The following PRKAA1 variants were observed in gnomAD, a reference collection of about 807,000 sequenced individuals.
PRKAA1 encodes the protein 5'-AMP-activated protein kinase catalytic subunit alpha-1.
PRKAA1 carries 23 observed loss-of-function variants against 56.9 expected under a neutral mutation model. That is an observed-to-expected ratio of 0.40 (90% CI 0.29 to 0.57). The LOEUF (loss-of-function observed/expected upper bound fraction) is 0.57, where lower values mean the gene tolerates loss of function less well. Among genes scored for constraint, PRKAA1 ranks in the 20% least tolerant of loss-of-function variants. The pLI is 0.39. For missense variants in PRKAA1, 413 were observed against 679.7 expected (o/e 0.61, Z 4.36); for synonymous variants, 226 against 227.0 (o/e 1.00, Z 0.04).
chr5:40,772,000 A>G (rs1399917586), intron 3 of PRKAA1, 137 bp from the exon 4 acceptor site: 8 of 1,083,380 alleles, frequency 7.4e-6, no homozygotes, highest in Non-Finnish European at 1.0e-5. Flanking sequence ...TACTTTTGAC[A>G]TGAGGAGGAG....
In PRKAA1 at chr5:40,760,431, T is replaced by TC. The variant is rs1422286357; in HGVS notation, c.*2346dup. ...ATTGGTTCCTCCTTTTCTTCCCCCC[T>TC]CCCCACAACAGCGTATATAGCGCCA... On this transcript the variant is annotated 3_prime_UTR_variant, in exon 9 of 9. Coordinates refer to ENST00000397128, the MANE Select transcript of PRKAA1 (RefSeq NM_006251.6). The TC allele has an allele frequency of 2.6e-5, 4 of 152,662 alleles. No individual in the cohort carries two copies. The highest frequency in any genetic ancestry group is 5.9e-5 in the Non-Finnish European group (4 of 68,004). The allele number at this position is 152,662 out of a possible 1,614,324, so 9.5% of individuals were successfully genotyped here.
chr5:40,773,074 C>G (rs1027061460), intron 3 of PRKAA1, among the ~76,000 whole-genome samples: 1 of 152,304 alleles, frequency 6.6e-6, no homozygotes, highest in East Asian at 1.9e-4. Flanking sequence ...AGGCGAAGGA[C>G]TCCAATATGC....
chr5:40,768,249 CTTTAAA>C (rs1743561574), intron 5 of PRKAA1: 2 of 238,570 alleles, frequency 8.4e-6, no homozygotes, highest in East Asian at 3.6e-4. Context: ...AAAAGGATTT[CTTTAAA>C]TTTATGTACT....
At chr5:40,786,196 A>G (rs1330650871) in intron 1 of PRKAA1, among the ~76,000 whole-genome samples, 4 of 150,944 alleles carry the variant, frequency 2.6e-5, no homozygotes, top group African/African-American at 9.7e-5. Flanking sequence ...CGGAGGTTGC[A>G]GTGAGCTGAG....
chr5:40,785,597 TAAGA>T (rs1298090075), intron 1 of PRKAA1, among the ~76,000 whole-genome samples: 4 of 152,016 alleles, frequency 2.6e-5, no homozygotes, highest in African/African-American at 4.8e-5. Flanking sequence ...ACTCAAAAAC[TAAGA>T]AAGAAAGCAT....
rs1200685694 is a variant in PRKAA1, at chr5:40,780,449, C to T, written c.128-2863G>A. On this transcript the variant is annotated intron_variant, in intron 1 of 8. Transcript: ENST00000397128. ...CTCGACAGACAGCATTCTTGAGAGACATAACCAATAAGATATATATATACA... is the reference window on the plus strand; with the variant it reads ...CTCGACAGACAGCATTCTTGAGAGATATAACCAATAAGATATATATATACA... Among the ~76,000 whole-genome samples, 2 of 152,104 alleles carry T rather than the reference C, an allele frequency of 1.3e-5. 1 individual carries two copies. The highest frequency in any genetic ancestry group is 4.8e-5 in the African/African-American group (2 of 41,430).
At chr5:40,793,820 G>A (rs1251662540) in intron 1 of PRKAA1, among the ~76,000 whole-genome samples, 1 of 152,142 alleles carries the variant, frequency 6.6e-6, no homozygotes. Flanking sequence ...ATGTCTCCCA[G>A]CCCAGCACGG....
In PRKAA1 at chr5:40,798,146, T is replaced by C. The variant is rs1469720215; in HGVS notation, c.44A>G (p.Lys15Arg). The stretch of plus-strand genomic sequence containing the variant: ...CTTCACCCGCCCGTCGTGTTTCTGC[T>C]TCTCGGCTGTCGCCATCTTTCTCCA... ...SSWRKMATAE[K>R]QKHDGRVKIG... The change falls in exon 1 of 9, where the codon AAG becomes AGG. Residue 15 changes from lysine (K) to arginine (R), a missense_variant. Lys to Arg is a conservative substitution (Grantham distance 26, BLOSUM62 2). Around this residue, in one of 9 missense-constraint regions of PRKAA1, gnomAD observed 61 missense variants for 73.1 expected, o/e 0.83. Transcript: ENST00000397128. The C allele has an allele frequency of 2.5e-6, 4 of 1,598,720 alleles. No homozygotes were observed. In the African/African-American group the frequency reaches 5.4e-5, roughly 22 times the overall value.
chr5:40,797,916 G>A, intron 1 of PRKAA1, 147 bp downstream of exon 1: 2 of 1,382,846 alleles, frequency 1.4e-6, no homozygotes, highest in South Asian at 1.3e-5. Flanking sequence ...CGCGGCGGCT[G>A]GGGAGAGCTC....
At chr5:40,790,773 CGT>C (rs1294883901) in intron 1 of PRKAA1, among the ~76,000 whole-genome samples, 4 of 152,066 alleles carry the variant, frequency 2.6e-5, no homozygotes, top group Non-Finnish European at 5.9e-5. Context: ...ATCTTGAGCT[CGT>C]GATCTGCCCG....
rs1579711106 is a variant in PRKAA1, at chr5:40,764,875, C to T, written c.1185G>A (p.Gln395=). The T allele has an allele frequency of 2.5e-6, 4 of 1,614,062 alleles. No homozygotes were observed. The highest frequency in any genetic ancestry group is 3.4e-6 in the Non-Finnish European group (4 of 1,180,024). The change falls in exon 7 of 9, where the codon CAG becomes CAA. Residue 395 remains glutamine, a synonymous_variant. Transcript: ENST00000397128. The part of the protein sequence containing the change: ...ARHTLDELNP[Q]KSKHQGVRKA... Reference sequence around the variant, plus strand: ...TCCTTACACCTTGGTGTTTGGATTTCTGTGGATTTAATTCATCAAGGGTAT... The same window carrying T: ...TCCTTACACCTTGGTGTTTGGATTTTTGTGGATTTAATTCATCAAGGGTAT...
chr5:40,795,687 C>T (rs1219164991), intron 1 of PRKAA1, among the ~76,000 whole-genome samples: 1 of 152,204 alleles, frequency 6.6e-6, no homozygotes, highest in African/African-American at 2.4e-5. Context: ...TTTTCTATTA[C>T]TTGTGGCAAA....
intron 1 of PRKAA1, 141 bp downstream of exon 1, chr5:40,797,922 A>T: frequency 8.3e-7 from 1 of 1,202,752 alleles, no homozygotes. Context: ...GGCTGGGGAG[A>T]GCTCCCGCAG....
rs1286001321 is a variant in PRKAA1 at position 40,798,173 on chromosome 5, G to A, written c.17C>T (p.Ser6Phe). ...CTCGGCTGTCGCCATCTTTCTCCAG[G>A]AACTGAGTCTGCGCATGGCGCTGCG... is the stretch of plus-strand genomic sequence containing the variant. MRRLS[S>F]WRKMATAEKQ... The change falls in exon 1 of 9, where the codon TCC becomes TTC. Residue 6 changes from serine (S) to phenylalanine (F), a missense_variant. By Grantham distance (155) the Ser-to-Phe change is radical (BLOSUM62 -2). This residue lies in a region of PRKAA1 where 61 missense variants were observed against 73.1 expected (regional missense o/e 0.83). Transcript: ENST00000397128. 73 of 1,510,030 alleles carry A rather than the reference G, an allele frequency of 4.8e-5. No homozygotes were observed. The highest frequency in any genetic ancestry group is 6.1e-5 in the Non-Finnish European group (68 of 1,116,416). 93.5% of individuals were successfully genotyped at this position (1,510,030 alleles called of 1,614,324 possible).
chr5:40,795,215 C>T (rs1744875120), intron 1 of PRKAA1, among the ~76,000 whole-genome samples: 1 of 152,022 alleles, frequency 6.6e-6, no homozygotes, highest in Non-Finnish European at 1.5e-5. Flanking sequence ...AAGAATGATA[C>T]AGTGGACTAT....
At chr5:40,788,213 T>C (rs896690836) in intron 1 of PRKAA1, among the ~76,000 whole-genome samples, 1 of 152,098 alleles carries the variant, frequency 6.6e-6, no homozygotes, top group African/African-American at 2.4e-5. Context: ...CCAGAATAAA[T>C]GCATATATCT....
At chr5:40,778,027 T>A (rs188007641) in intron 1 of PRKAA1, among the ~76,000 whole-genome samples, 1 of 151,738 alleles carries the variant, frequency 6.6e-6, no homozygotes, top group Admixed American at 6.6e-5. Flanking sequence ...TGAGCCGAGA[T>A]CACACCACTG....
At chr5:40,790,704 TG>T (rs1408959326) in intron 1 of PRKAA1, among the ~76,000 whole-genome samples, 1 of 151,912 alleles carries the variant, frequency 6.6e-6, no homozygotes, top group Non-Finnish European at 1.5e-5. Context: ...CACACCCAGC[TG>T]ATTTTTGTAT....
intron 6 of PRKAA1, among the ~76,000 whole-genome samples, chr5:40,766,586 T>TACTAC (rs1168237041): frequency 6.6e-6 from 1 of 152,104 alleles, no homozygotes; most frequent in Non-Finnish European, 1.5e-5. Context: ...ATTCAATGTA[T>TACTAC]ACTACCAGGA....
Sources: gnomAD v4.1 joint callset for allele counts (sites outside exome capture counted in the v4.1 genomes callset) on GRCh38, gnomAD v4.1.1 for gene constraint, gnomAD v4.1.1 regional missense constraint, MANE v1.5 for transcripts, NCBI Gene and HGNC (gene_info 2026-07-23, HGNC 2026-07-21) for gene names.